Variants in ANAPC5 observed in about 807,000 individuals in gnomAD.
ANAPC5 encodes anaphase-promoting complex subunit 5.
ANAPC5 carries 60 observed loss-of-function variants against 91.3 expected under a neutral mutation model. The observed-to-expected ratio is 0.66, with a 90% confidence interval of 0.53 to 0.81. ANAPC5 has a LOEUF of 0.81. ANAPC5 is among the 40% of genes least tolerant of loss of function. The probability of loss-of-function intolerance (pLI) is 0.00; values close to 1 mark genes in which losing one functional copy is unlikely to be tolerated. For synonymous variants in ANAPC5, 340 were observed against 364.1 expected (o/e 0.93, Z 0.75); for missense variants, 690 against 931.5 (o/e 0.74, Z 3.37).
intron 1 of ANAPC5, among the ~76,000 whole-genome samples, chr12:121,348,641 G>A (rs1555274939): frequency 1.3e-5 from 2 of 152,072 alleles, no homozygotes; most frequent in Admixed American, 6.5e-5. Flanking sequence ...CTCCAGCCTG[G>A]GCGACAGAGC....
chr12:121,345,655 T>C (rs1202571740), intron 4 of ANAPC5, among the ~76,000 whole-genome samples, 184 bp downstream of exon 4: 1 of 152,034 alleles, frequency 6.6e-6, no homozygotes, highest in Non-Finnish European at 1.5e-5. Flanking sequence ...GTGCCTCCCA[T>C]TGGCCAATCA....
intron 10 of ANAPC5, chr12:121,327,458 A>C: frequency 1.9e-6 from 1 of 531,678 alleles, no homozygotes; most frequent in South Asian, 2.3e-5. Context: ...GTTAGGGCAC[A>C]GCTGGGAGTA....
rs116012709 is a variant in ANAPC5, at chr12:121,327,441, C to G, written c.1305-210G>C. On this transcript the variant is annotated intron_variant, in intron 10 of 16. Transcript: ENST00000261819. ...CCTGGATGTGCAGCGCGAGGAGACA[C>G]GTAGTGGTTAGGGCACAGCTGGGAG... 3.4e-3 allele frequency: 1,946 copies of G among 576,900 alleles called. 31 individuals carry two copies. Among genetic ancestry groups the G allele is most frequent in the African/African-American group, 0.034 (1,772 of 52,814 alleles). The allele number at this position is 576,900 out of a possible 1,614,324, so 35.7% of individuals were successfully genotyped here.
chr12:121,353,058 A>G (rs1465963597), upstream of ANAPC5, among the ~76,000 whole-genome samples: 6 of 152,236 alleles, frequency 3.9e-5, no homozygotes, highest in Admixed American at 2.6e-4. Context: ...AGATAGGAAC[A>G]TGAGATTTTT....
At chr12:121,341,912 A>C (rs1338248265) in intron 5 of ANAPC5, 91 bp downstream of exon 5, 6 of 977,390 alleles carry the variant, frequency 6.1e-6, no homozygotes, top group Non-Finnish European at 9.2e-6. Flanking sequence ...ACCTATGCAC[A>C]TAACGGGCCT....
chr12:121,325,854 G>A (rs1029767006), intron 11 of ANAPC5, among the ~76,000 whole-genome samples: 21 of 152,154 alleles, frequency 1.4e-4, no homozygotes, highest in Non-Finnish European at 2.5e-4. Context: ...GCGACAGAGC[G>A]ACACTCCGTT....
chr12:121,345,537 C>T (rs1903632811), intron 4 of ANAPC5, among the ~76,000 whole-genome samples: 1 of 152,094 alleles, frequency 6.6e-6, no homozygotes, highest in African/African-American at 2.4e-5. Flanking sequence ...GAAAGAGCGA[C>T]CTGACAGAAG....
Position 121,346,966 on chromosome 12 carries a change from T to C in ANAPC5, c.327A>G (p.Glu109=), listed in dbSNP as rs1232532794. The C allele has an allele frequency of 6.2e-7, 1 of 1,611,536 alleles. No homozygotes were observed. Among genetic ancestry groups the C allele is most frequent in the Admixed American group, 1.7e-5 (1 of 59,324 alleles). The stretch of plus-strand genomic sequence containing the variant: ...AATCTGAAAGGTCATCAAAAAACTG[T>C]TCCATATCCTTCAACTCGCCTTCAG... ...LMAEGELKDM[E]QFFDDLSDSF... Residue 109 remains glutamate, a synonymous_variant, in exon 3 of 17, where the codon GAA becomes GAG. Coordinates refer to ENST00000261819, the MANE Select transcript of ANAPC5 (RefSeq NM_016237.5).
chr12:121,316,751 A>AAAAAAAG (rs1566180265), intron 15 of ANAPC5, among the ~76,000 whole-genome samples: 4 of 150,834 alleles, frequency 2.7e-5, no homozygotes, highest in Non-Finnish European at 4.4e-5. Context: ...AAAAAAAAAA[A>AAAAAAAG]AAAAAAGAAA....
intron 11 of ANAPC5, among the ~76,000 whole-genome samples, chr12:121,321,262 T>A (rs1466602955): frequency 1.3e-5 from 2 of 149,230 alleles, no homozygotes; most frequent in Admixed American, 6.6e-5. Flanking sequence ...AAAAAAAAAT[T>A]TTTTTTTAAT....
chr12:121,330,728 G>T, intron 8 of ANAPC5, 56 bp from the exon 9 acceptor site: 2 of 1,392,454 alleles, frequency 1.4e-6, no homozygotes, highest in Non-Finnish European at 2.0e-6. Flanking sequence ...TGATGTTCTA[G>T]TGAAATATCA....
At chr12:121,347,682 T>G (rs1466042304) in intron 2 of ANAPC5, 120 bp downstream of exon 2, 33 of 747,468 alleles carry the variant, frequency 4.4e-5, no homozygotes, top group Non-Finnish European at 5.7e-5. Context: ...TAAAGGCTCT[T>G]GGGAAAACAA....
intron 15 of ANAPC5, among the ~76,000 whole-genome samples, chr12:121,313,909 C>T (rs190339084): frequency 7.9e-5 from 12 of 152,094 alleles, no homozygotes; most frequent in African/African-American, 2.7e-4. Context: ...CCACTATTAC[C>T]CTAATACTAA....
chr12:121,321,575 A>G (rs1403342986), intron 11 of ANAPC5, among the ~76,000 whole-genome samples: 6 of 140,734 alleles, frequency 4.3e-5, no homozygotes. Flanking sequence ...TCTGTCACCC[A>G]GGCTGGAGTG....
intron 4 of ANAPC5, 127 bp downstream of exon 4, chr12:121,345,712 C>T (rs183442997): frequency 2.3e-5 from 23 of 989,558 alleles, no homozygotes; most frequent in Non-Finnish European, 3.3e-5. Flanking sequence ...TATCAGTTAA[C>T]TTCCCAGATC....
chr12:121,337,179 C>T, intron 6 of ANAPC5, 112 bp downstream of exon 6: 3 of 807,014 alleles, frequency 3.7e-6, no homozygotes, highest in Non-Finnish European at 6.1e-6. Flanking sequence ...GGTCGTGCCA[C>T]TGCACTCCAG....
At chr12:121,341,275 G>A (rs1309233699) in intron 5 of ANAPC5, among the ~76,000 whole-genome samples, 1 of 152,194 alleles carries the variant, frequency 6.6e-6, no homozygotes, top group Non-Finnish European at 1.5e-5. Context: ...TTCAAGACCA[G>A]CCTGGCCAAT....
chr12:121,346,578 G>A, intron 3 of ANAPC5: 1 of 245,468 alleles, frequency 4.1e-6, no homozygotes, highest in South Asian at 1.6e-4. Flanking sequence ...CTCTTCATAA[G>A]TCTGGGCTGG....
At position 121,318,363 on chromosome 12, in the gene ANAPC5, TGGGCAG is replaced by T; in HGVS notation, c.1801_1806del (p.Leu601_Pro602del). 4 of 1,612,250 alleles carry T rather than the reference TGGGCAG, an allele frequency of 2.5e-6. No homozygotes were observed. The highest frequency in any genetic ancestry group is 3.4e-6 in the Non-Finnish European group (4 of 1,179,176). On this transcript the variant is annotated inframe_deletion, in exon 15 of 17. Transcript: ENST00000261819. Reference sequence around the variant, plus strand: ...GAGAGGGCCAGAGCCTGCAGGAGCATGGGCAGCGCGATGGTAGGGGAGGAAGATCGC... The same window carrying T: ...GAGAGGGCCAGAGCCTGCAGGAGCATCGCGATGGTAGGGGAGGAAGATCGC...
Sources: gnomAD v4.1 joint callset for allele counts (sites outside exome capture counted in the v4.1 genomes callset) on GRCh38, gnomAD v4.1.1 for gene constraint, MANE v1.5 for transcripts, NCBI Gene and HGNC (gene_info 2026-07-23, HGNC 2026-07-21) for gene names.